Variants in DGKB observed in about 807,000 individuals in gnomAD.
The protein encoded by DGKB is diacylglycerol kinase beta, also known as 90 kDa diacylglycerol kinase.
A neutral mutation model predicts 114.3 loss-of-function variants in DGKB; 67 were observed. The ratio of observed to expected loss-of-function variants is 0.59; its 90% CI spans 0.48 to 0.72. The LOEUF (loss-of-function observed/expected upper bound fraction) is 0.72. Ranked by LOEUF, DGKB falls within the 30% of genes least tolerant of loss-of-function variation. The pLI is 0.00. For missense variants in DGKB, 907 were observed against 975.2 expected (o/e 0.93, Z 0.93); for synonymous variants, 398 against 323.1 (o/e 1.23, Z -2.49).
At chr7:14,871,675 T>C (rs1852479992) in intron 1 of DGKB, among the ~76,000 whole-genome samples, 1 of 152,124 alleles carries the variant, frequency 6.6e-6, no homozygotes, top group African/African-American at 2.4e-5. Flanking sequence ...AGAAAATATA[T>C]TAGGAACACG....
At chr7:14,830,353 C>G (rs1001301907) in intron 2 of DGKB, among the ~76,000 whole-genome samples, 1 of 141,856 alleles carries the variant, frequency 7.0e-6, no homozygotes, top group Non-Finnish European at 1.5e-5. Context: ...TTTTAAGAGC[C>G]CATTTCTAGA....
At chr7:14,289,897 A>G (rs886712131) in intron 23 of DGKB, among the ~76,000 whole-genome samples, 2 of 152,198 alleles carry the variant, frequency 1.3e-5, no homozygotes, top group East Asian at 1.9e-4. Flanking sequence ...TAGTAAGAGG[A>G]AAAAACAGTA....
intron 20 of DGKB, among the ~76,000 whole-genome samples, chr7:14,520,549 G>A (rs73285858): frequency 0.013 from 1,977 of 151,700 alleles, 41 homozygotes; most frequent in African/African-American, 0.045. Flanking sequence ...GTAAAAATAT[G>A]TTTTATTCTT....
At chr7:14,693,295 T>G (rs1465945934) in intron 9 of DGKB, among the ~76,000 whole-genome samples, 1 of 152,132 alleles carries the variant, frequency 6.6e-6, no homozygotes, top group African/African-American at 2.4e-5. Flanking sequence ...ATGCTGAATT[T>G]AAAAATCTGG....
intron 21 of DGKB, among the ~76,000 whole-genome samples, chr7:14,469,016 A>G (rs947366940): frequency 1.3e-5 from 2 of 152,126 alleles, no homozygotes; most frequent in African/African-American, 4.8e-5. Flanking sequence ...CAGAAACTAG[A>G]AATAAATATT....
intron 23 of DGKB, among the ~76,000 whole-genome samples, chr7:14,243,351 G>A (rs1793962123): frequency 6.6e-6 from 1 of 152,268 alleles, no homozygotes; most frequent in East Asian, 1.9e-4. Flanking sequence ...TCCTTTAAGG[G>A]AAAGGCCAAA....
chr7:14,417,617 A>C (rs182771040), intron 21 of DGKB, among the ~76,000 whole-genome samples: 1 of 151,998 alleles, frequency 6.6e-6, no homozygotes, highest in African/African-American at 2.4e-5. Flanking sequence ...CCTAAATAAT[A>C]ATCTGCAGCT....
At chr7:14,231,093 T>TCTTTCTC (rs1562684186) in intron 23 of DGKB, among the ~76,000 whole-genome samples, 5 of 72,012 alleles carry the variant, frequency 6.9e-5, no homozygotes, top group Non-Finnish European at 1.5e-4. Flanking sequence ...CTTTCTTTCT[T>TCTTTCTC]TCTTTCTTTC....
intron 17 of DGKB, among the ~76,000 whole-genome samples, chr7:14,599,461 G>A (rs1389027571): frequency 6.6e-6 from 1 of 151,996 alleles, no homozygotes; most frequent in Non-Finnish European, 1.5e-5. Flanking sequence ...TATGCTTGCT[G>A]CTCTCTCTGC....
rs114542772 is a variant in DGKB at position 14,483,506 on chromosome 7, A to G, written c.1771-5281T>C. Among the ~76,000 whole-genome samples, 532 of 152,256 alleles carry G rather than the reference A, an allele frequency of 3.5e-3. 2 individuals are homozygous for G. Among genetic ancestry groups the G allele is most frequent in the African/African-American group, 0.012 (514 of 41,562 alleles). On this transcript the variant is annotated intron_variant, in intron 20 of 25. Transcript: ENST00000402815. ...AGGACTGAGCCATTTGGGGATATCA[A>G]GAAGAGGTAAATGTATTTTGCACAC...
chr7:14,298,749 A>G (rs1382867016), intron 23 of DGKB, among the ~76,000 whole-genome samples: 2 of 152,224 alleles, frequency 1.3e-5, no homozygotes, highest in Non-Finnish European at 2.9e-5. Context: ...ATCAGAGTAA[A>G]CAGGCAACCT....
In DGKB at chr7:14,334,362, ATGTGTGTG is replaced by A. The variant is rs750329719; in HGVS notation, c.2122+4145_2122+4152del. 8.3e-5 allele frequency among the ~76,000 whole-genome samples: 12 copies of A among 144,740 alleles called. 1 individual carries two copies. Among genetic ancestry groups the A allele is most frequent in the Admixed American group, 6.2e-4 (9 of 14,506 alleles). The allele number at this position is 144,740 out of a possible 152,430, so 95.0% of individuals were successfully genotyped here. ...TTTATTTCTTTATATGTATATACAT[ATGTGTGTG>A]TGTGTGTGTGTGTGTGTGTGTGTGT... On this transcript the variant is annotated intron_variant, in intron 23 of 25. Transcript: ENST00000402815.
intron 20 of DGKB, among the ~76,000 whole-genome samples, chr7:14,519,855 G>A (rs986182640): frequency 4.6e-5 from 7 of 151,688 alleles, no homozygotes; most frequent in Non-Finnish European, 1.0e-4. Flanking sequence ...AAAATCTTTT[G>A]TGAAATGTCT....
intron 23 of DGKB, among the ~76,000 whole-genome samples, chr7:14,238,452 G>A (rs963348212): frequency 6.6e-6 from 1 of 151,412 alleles, no homozygotes; most frequent in Non-Finnish European, 1.5e-5. Context: ...ATCCAGTCTC[G>A]GGTAGTTCTT....
In DGKB at chr7:14,718,658, G is replaced by T; in HGVS notation, c.350C>A (p.Thr117Asn). ...GGLRMNKGAI[T>N]PPRTTSPANT... The stretch of plus-strand genomic sequence containing the variant: ...TGCAGGAGAAGTAGTCCGGGGAGGG[G>T]TGATGGCACCTTTATTCATTCTCAG... The change falls in exon 6 of 26, where the codon ACC (threonine) becomes AAC (asparagine). Residue 117 changes from threonine (T) to asparagine (N), a missense_variant. This residue lies in a region of DGKB where 814 missense variants were observed against 856.6 expected (regional missense o/e 0.95). Transcript: ENST00000402815. 6.2e-7 allele frequency: 1 copy of T among 1,611,122 alleles called. No individual in the cohort carries two copies. Among genetic ancestry groups the T allele is most frequent in the Non-Finnish European group, 8.5e-7 (1 of 1,178,384 alleles).
chr7:14,904,666 A>G (rs2128241210), upstream of DGKB, among the ~76,000 whole-genome samples: 1 of 152,316 alleles, frequency 6.6e-6, no homozygotes, highest in East Asian at 1.9e-4. Flanking sequence ...TTGTTTTAAA[A>G]ATCATATAAT....
chr7:14,870,465 A>C lies in DGKB; in HGVS notation c.-187-29015T>G, dbSNP rs140824270. 5.3e-3 allele frequency among the ~76,000 whole-genome samples: 800 copies of C among 152,292 alleles called. 7 individuals are homozygous for C. The highest frequency in any genetic ancestry group is 9.6e-3 in the Non-Finnish European group (650 of 68,022). On this transcript the variant is annotated intron_variant, in intron 1 of 25. Coordinates refer to ENST00000402815, the MANE Select transcript of DGKB (RefSeq NM_001350709.2). Reference sequence around the variant, plus strand: ...ATTATGGAAATCCTGACAAAGACTTAAGTACGAACTTTTGTTAACATTATA... The same window carrying C: ...ATTATGGAAATCCTGACAAAGACTTCAGTACGAACTTTTGTTAACATTATA...
chr7:14,611,732 A>G (rs1805580915), intron 16 of DGKB, among the ~76,000 whole-genome samples: 2 of 151,816 alleles, frequency 1.3e-5, no homozygotes, highest in East Asian at 1.9e-4. Context: ...TAATTTAGGG[A>G]AAATTATTTA....
intron 20 of DGKB, among the ~76,000 whole-genome samples, chr7:14,532,835 G>C (rs916060285): frequency 6.6e-6 from 1 of 151,592 alleles, no homozygotes; most frequent in African/African-American, 2.4e-5. Context: ...CTGTTTTAGA[G>C]TGTCCATAGA....
Sources: allele counts gnomAD v4.1 joint callset (sites outside exome capture counted in the v4.1 genomes callset), GRCh38; gene constraint gnomAD v4.1.1; regional missense constraint gnomAD v4.1.1; transcripts MANE v1.5; gene names NCBI Gene and HGNC (gene_info 2026-07-23, HGNC 2026-07-21).